The following EHBP1 variants were observed in gnomAD, a reference collection of about 807,000 sequenced individuals.
EHBP1 encodes EH domain-binding protein 1.
In EHBP1, 55 loss-of-function variants were observed where a neutral mutation model predicts 144.0. That is an observed-to-expected ratio of 0.38 (90% CI 0.31 to 0.48). The LOEUF (loss-of-function observed/expected upper bound fraction) is 0.48. Among genes scored for constraint, EHBP1 ranks in the 20% least tolerant of loss-of-function variants. The pLI is 0.98. For synonymous variants in EHBP1, 469 were observed against 472.7 expected (o/e 0.99, Z 0.10); for missense variants, 1,200 against 1,364.2 (o/e 0.88, Z 1.90).
chr2:62,757,728 C>T (rs1429269097), intron 3 of EHBP1, among the ~76,000 whole-genome samples: 1 of 151,936 alleles, frequency 6.6e-6, no homozygotes, highest in Admixed American at 6.6e-5. Context: ...GCCACCATGC[C>T]CAGCTACAAT....
intron 3 of EHBP1, among the ~76,000 whole-genome samples, chr2:62,751,992 T>G (rs1232671763): frequency 2.0e-5 from 3 of 151,968 alleles, no homozygotes; most frequent in African/African-American, 4.8e-5. Flanking sequence ...CTTCAGTTCT[T>G]CTCTGATCTT....
At chr2:62,756,549 AC>A (rs961600183) in intron 3 of EHBP1, among the ~76,000 whole-genome samples, 19 of 152,280 alleles carry the variant, frequency 1.2e-4, no homozygotes, top group African/African-American at 4.3e-4. Context: ...CAAGTGGATC[AC>A]CTGAGGGTCA....
At chr2:62,947,815 C>T (rs191015501) in intron 12 of EHBP1, among the ~76,000 whole-genome samples, 78 of 152,102 alleles carry the variant, frequency 5.1e-4, no homozygotes, top group Non-Finnish European at 8.8e-4. Flanking sequence ...GCTTAAATTG[C>T]ATTTATTTGT....
At chr2:62,743,871 G>C (rs946960426) in intron 2 of EHBP1, among the ~76,000 whole-genome samples, 1 of 152,008 alleles carries the variant, frequency 6.6e-6, no homozygotes, top group South Asian at 2.1e-4. Context: ...AGTCCTCTGT[G>C]CTCTTCCTCA....
At chr2:62,923,667 G>C (rs561275992) in intron 10 of EHBP1, among the ~76,000 whole-genome samples, 2 of 152,134 alleles carry the variant, frequency 1.3e-5, no homozygotes, top group African/African-American at 4.8e-5. Context: ...TCCCAGGCCT[G>C]AGAGGCAATC....
intron 10 of EHBP1, among the ~76,000 whole-genome samples, chr2:62,915,159 C>T (rs527845424): frequency 6.6e-6 from 1 of 151,794 alleles, no homozygotes; most frequent in African/African-American, 2.4e-5. Flanking sequence ...TTGGTATTAC[C>T]GTAAAAAAGA....
At chr2:62,880,449 C>T (rs747511493) in intron 10 of EHBP1, among the ~76,000 whole-genome samples, 4 of 151,796 alleles carry the variant, frequency 2.6e-5, no homozygotes, top group African/African-American at 9.7e-5. Context: ...AAACTCTTGC[C>T]AGAGTAAACA....
upstream of EHBP1, among the ~76,000 whole-genome samples, chr2:62,705,189 G>A (rs932729679): frequency 1.3e-5 from 2 of 152,082 alleles, no homozygotes; most frequent in Non-Finnish European, 2.9e-5. Context: ...AAGGCTATGC[G>A]CAAAAACCCT....
Position 62,775,793 on chromosome 2 carries a change from T to C in EHBP1, c.312+4401T>C, listed in dbSNP as rs1181857790. 2.0e-5 allele frequency among the ~76,000 whole-genome samples: 3 copies of C among 152,094 alleles called. No individual in the cohort carries two copies. In the East Asian group the frequency reaches 5.8e-4, roughly 29 times the overall value. The stretch of plus-strand genomic sequence containing the variant: ...TATTTTACAGGTAAAGAAAGTGAGG[T>C]TTAGAGAGGTTAAGTAACTTGCCCA... On this transcript the variant is annotated intron_variant, in intron 5 of 22. Coordinates refer to ENST00000431489, the MANE Select transcript of EHBP1 (RefSeq NM_001142616.3).
At chr2:62,820,212 C>CAA (rs1295094411) in intron 5 of EHBP1, among the ~76,000 whole-genome samples, 2 of 44,674 alleles carry the variant, frequency 4.5e-5, no homozygotes, top group Non-Finnish European at 9.6e-5. Context: ...ACTCTTGTCT[C>CAA]AAAAAAAAAA....
intron 19 of EHBP1, among the ~76,000 whole-genome samples, chr2:63,007,374 T>C (rs2060085819): frequency 6.6e-6 from 1 of 151,900 alleles, no homozygotes; most frequent in African/African-American, 2.4e-5. Flanking sequence ...TTGTTGACTT[T>C]TTCATTCTTT....
chr2:62,867,116 A>G (rs2050105050), intron 9 of EHBP1, among the ~76,000 whole-genome samples: 1 of 152,174 alleles, frequency 6.6e-6, no homozygotes, highest in South Asian at 2.1e-4. Flanking sequence ...ATATTAGTAT[A>G]TATAAAATAC....
At chr2:62,920,197 G>C (rs994289095) in intron 10 of EHBP1, among the ~76,000 whole-genome samples, 1 of 152,292 alleles carries the variant, frequency 6.6e-6, no homozygotes, top group African/African-American at 2.4e-5. Flanking sequence ...ATTCAACACT[G>C]TTGAATGACA....
intron 10 of EHBP1, among the ~76,000 whole-genome samples, chr2:62,903,464 C>G (rs2053564652): frequency 6.6e-6 from 1 of 151,866 alleles, no homozygotes. Context: ...GAAGAAAAAC[C>G]TAAACATACT....
chr2:62,830,197 T>C (rs147449984), intron 6 of EHBP1, among the ~76,000 whole-genome samples: 8,167 of 74,480 alleles, frequency 0.11, 330 homozygotes, highest in African/African-American at 0.21. Context: ...CACACACACA[T>C]ATATATACAC....
At position 62,724,144 on chromosome 2, in the gene EHBP1, A is replaced by G. The variant is rs566814960; in HGVS notation, c.104+16849A>G. Among the ~76,000 whole-genome samples, 3 of 152,244 alleles carry G rather than the reference A, an allele frequency of 2.0e-5. No homozygotes were observed. In the South Asian group the frequency reaches 6.2e-4, roughly 32 times the overall value. Reference sequence around the variant, plus strand: ...AGATTTGGTCTCTTCACATAATCCCATATTTCTCAGAGGTTTTATTTGTTC... The same window carrying G: ...AGATTTGGTCTCTTCACATAATCCCGTATTTCTCAGAGGTTTTATTTGTTC... On this transcript the variant is annotated intron_variant, in intron 2 of 22. Coordinates refer to ENST00000431489, the MANE Select transcript of EHBP1 (RefSeq NM_001142616.3).
intron 3 of EHBP1, among the ~76,000 whole-genome samples, chr2:62,754,988 C>T (rs2040139199): frequency 6.6e-6 from 1 of 152,178 alleles, no homozygotes; most frequent in Non-Finnish European, 1.5e-5. Context: ...GGGCTGCACC[C>T]ACTGTCCTGC....
intron 7 of EHBP1, among the ~76,000 whole-genome samples, chr2:62,857,806 T>G (rs2049177606): frequency 6.6e-6 from 1 of 152,036 alleles, no homozygotes; most frequent in Non-Finnish European, 1.5e-5. Context: ...TTGTTTTTAT[T>G]ATAAGATTTT....
At chr2:62,964,056 TTATC>T (rs1461238442) in intron 14 of EHBP1, among the ~76,000 whole-genome samples, 1 of 152,198 alleles carries the variant, frequency 6.6e-6, no homozygotes, top group African/African-American at 2.4e-5. Flanking sequence ...AAATAATAGT[TTATC>T]TATTATGTCT....
Sources: gnomAD v4.1 joint callset for allele counts (sites outside exome capture counted in the v4.1 genomes callset) on GRCh38, gnomAD v4.1.1 for gene constraint, MANE v1.5 for transcripts, NCBI Gene and HGNC (gene_info 2026-07-23, HGNC 2026-07-21) for gene names.